Variants in MON2 observed in about 807,000 individuals in gnomAD.
MON2 encodes MON2 regulator of endosome-to-Golgi trafficking, also known as protein MON2 homolog.
A neutral mutation model predicts 208.6 loss-of-function variants in MON2; 84 were observed. That is an observed-to-expected ratio of 0.40 (90% CI 0.34 to 0.48). The LOEUF (loss-of-function observed/expected upper bound fraction) is 0.48, where lower values mean the gene tolerates loss of function less well. Among genes scored for constraint, MON2 ranks in the 20% least tolerant of loss-of-function variants. MON2 has a pLI of 0.59. For synonymous variants in MON2, 660 were observed against 694.0 expected, an observed-to-expected ratio of 0.95 and a Z score of 0.77; for missense variants, 1,611 against 2,015.4, an observed-to-expected ratio of 0.80 and a Z score of 3.84.
rs529177680 is a variant in MON2 at position 62,513,865 on chromosome 12, G to T, written c.984+5385G>T. ...CTGGGGAGGCTGAGGCAGGAGAATG[G>T]CATGAACCCAGGAGGCAGAGCTTGC... On this transcript the variant is annotated intron_variant, in intron 8 of 34. Coordinates refer to ENST00000393630, the MANE Select transcript of MON2 (RefSeq NM_015026.3). Among the ~76,000 whole-genome samples the T allele has an allele frequency of 2.1e-4, 30 of 146,118 alleles. 3 individuals are homozygous for T. In the East Asian group the frequency reaches 6.5e-3, roughly 32 times the overall value.
At chr12:62,519,051 T>C (rs2071858301) in intron 8 of MON2, among the ~76,000 whole-genome samples, 1 of 152,224 alleles carries the variant, frequency 6.6e-6, no homozygotes, top group African/African-American at 2.4e-5. Context: ...AGAGGAATAA[T>C]TCTTATACTT....
At chr12:62,475,968 G>A (rs979159533) in intron 1 of MON2, among the ~76,000 whole-genome samples, 4 of 151,848 alleles carry the variant, frequency 2.6e-5, no homozygotes, top group Non-Finnish European at 5.9e-5. Context: ...CCGAGATCTC[G>A]CCATTGCACT....
intron 2 of MON2, 110 bp from the exon 3 acceptor site, chr12:62,493,805 G>A (rs967849362): frequency 5.2e-5 from 41 of 783,766 alleles, no homozygotes; most frequent in Admixed American, 9.8e-5. Flanking sequence ...TTTATTTTAC[G>A]TAAAGTGGAT....
At chr12:62,590,321 G>C (rs2075357597) in intron 34 of MON2, among the ~76,000 whole-genome samples, 1 of 152,138 alleles carries the variant, frequency 6.6e-6, no homozygotes, top group African/African-American at 2.4e-5. Context: ...TGATACTTCT[G>C]AGCTCAAGCA....
chr12:62,551,487 C>T (rs748663785), intron 23 of MON2, among the ~76,000 whole-genome samples: 6 of 152,064 alleles, frequency 3.9e-5, no homozygotes, highest in Non-Finnish European at 5.9e-5. Flanking sequence ...TCAAAGATCA[C>T]GGATCATAGA....
intron 8 of MON2, among the ~76,000 whole-genome samples, chr12:62,515,900 TG>T (rs2071662976): frequency 6.6e-6 from 1 of 152,176 alleles, no homozygotes; most frequent in South Asian, 2.1e-4. Context: ...TAAATATTGT[TG>T]GGGTTTTATA....
chr12:62,510,301 G>A (rs891886323), intron 8 of MON2, among the ~76,000 whole-genome samples: 4 of 151,744 alleles, frequency 2.6e-5, no homozygotes, highest in African/African-American at 7.3e-5. Context: ...TGAGGCCAGC[G>A]TTAATACCAA....
chr12:62,494,559 T>G (rs1266049116), intron 3 of MON2, among the ~76,000 whole-genome samples: 1 of 152,222 alleles, frequency 6.6e-6, no homozygotes, highest in Admixed American at 6.5e-5. Context: ...TTGACATTAA[T>G]GTATCATCTT....
chr12:62,568,988 C>G (rs1565696127), intron 29 of MON2, among the ~76,000 whole-genome samples: 1 of 152,084 alleles, frequency 6.6e-6, no homozygotes, highest in Non-Finnish European at 1.5e-5. Context: ...TAAATGATCT[C>G]TTTTCTATAA....
chr12:62,583,827 G>T (rs1294287113), intron 32 of MON2, among the ~76,000 whole-genome samples: 1 of 151,110 alleles, frequency 6.6e-6, no homozygotes, highest in Non-Finnish European at 1.5e-5. Flanking sequence ...AGGTGTGGTG[G>T]TGCGTGCCTG....
intron 8 of MON2, among the ~76,000 whole-genome samples, chr12:62,518,360 A>G (rs2071811180): frequency 6.6e-6 from 1 of 152,186 alleles, no homozygotes; most frequent in South Asian, 2.1e-4. Context: ...GCAGACATTC[A>G]TATTTGAGTT....
At chr12:62,501,949 C>A (rs1005882345) in intron 7 of MON2, among the ~76,000 whole-genome samples, 1 of 151,834 alleles carries the variant, frequency 6.6e-6, no homozygotes, top group East Asian at 1.9e-4. Flanking sequence ...AGGCTGGGCG[C>A]GGTGGCTCAC....
intron 13 of MON2, 37 bp downstream of exon 13, chr12:62,534,963 C>A: frequency 3.8e-6 from 5 of 1,322,260 alleles, no homozygotes; most frequent in South Asian, 2.5e-5. Context: ...TGAACTGTGT[C>A]AGTTAAAAAA....
chr12:62,483,210 C>G (rs2135997541), intron 1 of MON2, among the ~76,000 whole-genome samples: 1 of 152,050 alleles, frequency 6.6e-6, no homozygotes, highest in South Asian at 2.1e-4. Flanking sequence ...ACACTTAGAG[C>G]ATAGCTCAAT....
intron 20 of MON2, among the ~76,000 whole-genome samples, chr12:62,544,484 T>G (rs2073393606): frequency 1.3e-5 from 2 of 151,970 alleles, no homozygotes; most frequent in African/African-American, 4.8e-5. Flanking sequence ...GAAAAACAGA[T>G]GTACATGAGC....
chr12:62,506,621 G>A (rs961366817), intron 7 of MON2, among the ~76,000 whole-genome samples: 1 of 151,928 alleles, frequency 6.6e-6, no homozygotes, highest in African/African-American at 2.4e-5. Context: ...AGCTACTTGG[G>A]AGGCTGAGGC....
At chr12:62,540,685 C>A (rs1301515661) in intron 19 of MON2, among the ~76,000 whole-genome samples, 1 of 151,982 alleles carries the variant, frequency 6.6e-6, no homozygotes, top group Non-Finnish European at 1.5e-5. Flanking sequence ...GAGATAATTT[C>A]TTTGAAAATG....
intron 34 of MON2, among the ~76,000 whole-genome samples, chr12:62,590,155 A>T (rs2075351669): frequency 6.6e-6 from 1 of 151,942 alleles, no homozygotes; most frequent in African/African-American, 2.4e-5. Flanking sequence ...CAGTGGTGTG[A>T]TCTGTGCTTA....
chr12:62,584,922 CA>C lies in MON2; in HGVS notation c.4700-371del, dbSNP rs374686997. On this transcript the variant is annotated intron_variant, in intron 32 of 34. Transcript: ENST00000393630. ...AAAAAGAGAATACTGCAAGTTTGACCACATGAAAAACTATTGTGAAGTATAT... is the reference window on the plus strand; with the variant it reads ...AAAAAGAGAATACTGCAAGTTTGACCCATGAAAAACTATTGTGAAGTATAT... 2.6e-3 allele frequency among the ~76,000 whole-genome samples: 393 copies of C among 151,760 alleles called. 4 individuals are homozygous for C. The highest frequency in any genetic ancestry group is 8.9e-3 in the African/African-American group (369 of 41,378).
Sources: allele counts gnomAD v4.1 joint callset (sites outside exome capture counted in the v4.1 genomes callset), GRCh38; gene constraint gnomAD v4.1.1; transcripts MANE v1.5; gene names NCBI Gene and HGNC (gene_info 2026-07-23, HGNC 2026-07-21).